Variants in COL4A3 observed in about 807,000 individuals in gnomAD.
The protein encoded by COL4A3 is collagen alpha-3(IV) chain.
A neutral mutation model predicts 217.4 loss-of-function variants in COL4A3; 135 were observed. The observed-to-expected ratio is 0.62, with a 90% confidence interval of 0.54 to 0.72. The LOEUF (loss-of-function observed/expected upper bound fraction) is 0.72, where lower values mean the gene tolerates loss of function less well. COL4A3 is among the 30% of genes least tolerant of loss of function. COL4A3 has a pLI of 0.00. For synonymous variants in COL4A3, 690 were observed against 736.3 expected (o/e 0.94, Z 1.02); for missense variants, 1,868 against 2,119.9 (o/e 0.88, Z 2.33).
At chr2:227,193,713 AAAAG>A (rs147168067) in intron 1 of COL4A3, among the ~76,000 whole-genome samples, 18,623 of 120,976 alleles carry the variant, frequency 0.15, 2,534 homozygotes, top group Non-Finnish European at 0.22. Flanking sequence ...AAAAGAAGAA[AAAAG>A]AAAGAAAGAA....
At position 227,246,717 on chromosome 2, in the gene COL4A3, A is replaced by C. The variant is rs573893388; in HGVS notation, c.420A>C (p.Thr140=). Residue 140 remains threonine (T), a synonymous_variant, in exon 7 of 52, where the codon ACA becomes ACC. Transcript: ENST00000396578. ...AGGGGTTTCCAGGACTCCCAGGGAC[A>C]CTGGGCTACCCAGGGATCCCGGTAG... ...GEQGFPGLPG[T]LGYPGIPGAA... 18 of 1,612,736 alleles carry C rather than the reference A, an allele frequency of 1.1e-5. No individual in the cohort carries two copies. In the South Asian group the frequency reaches 2.0e-4, roughly 18 times the overall value.
chr2:227,238,146 T>A, intron 2 of COL4A3, 122 bp downstream of exon 2: 2 of 696,636 alleles, frequency 2.9e-6, no homozygotes, highest in African/African-American at 1.8e-5. Flanking sequence ...CCAAATCCAA[T>A]GTTAAAGTAA....
intron 18 of COL4A3, among the ~76,000 whole-genome samples, chr2:227,257,972 TCTC>T (rs1265817545): frequency 2.0e-5 from 3 of 152,036 alleles, no homozygotes; most frequent in African/African-American, 7.2e-5. Flanking sequence ...GAAGTCAACT[TCTC>T]CTCCCTCCAC....
In COL4A3 at chr2:227,164,986, G is replaced by C. The variant is rs1363638785; in HGVS notation, c.87+173G>C. On this transcript the variant is annotated intron_variant, in intron 1 of 51. Transcript: ENST00000396578. This position sits in a 1 kb window ranked among gnomAD's most constrained non-coding sequence, Gnocchi z 4.8. ...ACAGGCAGCGAGCGGAAGGGAGCAA[G>C]CGGGGATGCCCCGGAACAGGTGGAA... Among the ~76,000 whole-genome samples, 2 of 152,226 alleles carry C rather than the reference G, an allele frequency of 1.3e-5. No individual in the cohort carries two copies. The highest frequency in any genetic ancestry group is 4.8e-5 in the African/African-American group (2 of 41,472).
intron 1 of COL4A3, among the ~76,000 whole-genome samples, chr2:227,225,469 T>A (rs1269131467): frequency 6.6e-6 from 1 of 152,160 alleles, no homozygotes; most frequent in Non-Finnish European, 1.5e-5. Context: ...TGTCTCTCGA[T>A]AAGATTAGTT....
intron 1 of COL4A3, among the ~76,000 whole-genome samples, chr2:227,183,399 T>C (rs1034842299): frequency 2.0e-5 from 3 of 152,102 alleles, no homozygotes; most frequent in Non-Finnish European, 4.4e-5. Context: ...TGCTCAGGGA[T>C]ATGTAAAAGT....
Position 227,279,878 on chromosome 2 carries a change from C to A in COL4A3, c.2211C>A (p.Leu737=), listed in dbSNP as rs770992473. 6.2e-7 allele frequency: 1 copy of A among 1,605,500 alleles called. No individual in the cohort carries two copies. The highest frequency in any genetic ancestry group is 2.2e-5 in the East Asian group (1 of 44,778). ...GEPGLPGKPG[L]PGAKGEPAVA... is the part of the protein sequence containing the mutation. Reference sequence around the variant, plus strand: ...CTGGGTTACCTGGAAAGCCAGGCCTCCCAGGAGCCAAGGTATGCAAAAATT... The same window carrying A: ...CTGGGTTACCTGGAAAGCCAGGCCTACCAGGAGCCAAGGTATGCAAAAATT... Residue 737 remains leucine, a synonymous_variant, in exon 29 of 52, where the codon CTC becomes CTA. Coordinates refer to ENST00000396578, the MANE Select transcript of COL4A3 (RefSeq NM_000091.5).
At chr2:227,188,372 G>T (rs1219412821) in intron 1 of COL4A3, among the ~76,000 whole-genome samples, 2 of 151,776 alleles carry the variant, frequency 1.3e-5, no homozygotes, top group Non-Finnish European at 2.9e-5. Context: ...CACTGAAAAA[G>T]GACCCCAAAT....
chr2:227,239,500 G>C (rs1337598571), intron 2 of COL4A3, among the ~76,000 whole-genome samples: 2 of 152,170 alleles, frequency 1.3e-5, no homozygotes, highest in African/African-American at 4.8e-5. Flanking sequence ...TGGTAGAACT[G>C]TGTCAAGCCT....
intron 21 of COL4A3, 47 bp from the exon 22 acceptor site, chr2:227,266,370 G>GA (rs2070889662): frequency 7.7e-6 from 11 of 1,420,400 alleles, no homozygotes; most frequent in Admixed American, 3.4e-5. Flanking sequence ...CTTGCTAATT[G>GA]AAAAAAACAC....
chr2:227,249,690 C>T (rs1351636891), intron 9 of COL4A3, among the ~76,000 whole-genome samples: 2 of 151,972 alleles, frequency 1.3e-5, no homozygotes, highest in Non-Finnish European at 2.9e-5. Flanking sequence ...TTAGGAGCTG[C>T]AAAAAATGCA....
chr2:227,189,760 G>C (rs866780510), intron 1 of COL4A3, among the ~76,000 whole-genome samples: 2 of 152,106 alleles, frequency 1.3e-5, no homozygotes, highest in South Asian at 4.2e-4. Context: ...AAGTCATGGA[G>C]GTTTCAGGTG....
At chr2:227,227,098 C>T (rs1029437816) in intron 1 of COL4A3, among the ~76,000 whole-genome samples, 3 of 152,196 alleles carry the variant, frequency 2.0e-5, no homozygotes, top group African/African-American at 7.2e-5. Context: ...AGCTCATAGG[C>T]CGGATGGAAA....
intron 27 of COL4A3, 75 bp downstream of exon 27, chr2:227,276,552 T>C: frequency 8.9e-7 from 1 of 1,127,764 alleles, no homozygotes; most frequent in Non-Finnish European, 1.3e-6. Context: ...AAAAATACTG[T>C]CCCCATTATA....
At chr2:227,165,639 G>A (rs1015365132) in intron 1 of COL4A3, among the ~76,000 whole-genome samples, 2 of 152,148 alleles carry the variant, frequency 1.3e-5, no homozygotes, top group Non-Finnish European at 2.9e-5. Context: ...GTTGATTTGG[G>A]TGATAACGTG....
At chr2:227,210,359 C>G (rs780149472) in intron 1 of COL4A3, among the ~76,000 whole-genome samples, 65 of 152,198 alleles carry the variant, frequency 4.3e-4, no homozygotes, top group Admixed American at 4.3e-3. Flanking sequence ...GGGATGCCAA[C>G]GCAGGCAGAT....
Position 227,308,982 on chromosome 2 carries a change from C to T in COL4A3, c.4546C>T (p.Arg1516Ter), listed in dbSNP as rs759873621. 1.2e-5 allele frequency: 19 copies of T among 1,614,158 alleles called. No homozygotes were observed. The highest frequency in any genetic ancestry group is 2.2e-5 in the South Asian group (2 of 91,090). The part of the protein sequence containing the change: ...NVNDVCNFAS[R>*]NDYSYWLSTP... ...CAATGATGTATGTAATTTTGCATCT[C>T]GAAATGATTATTCATACTGGCTGTC... Residue 1516 changes from arginine (R) to a stop codon, truncating the protein, a stop_gained, in exon 49 of 52, where the codon CGA becomes TGA. Coordinates refer to ENST00000396578, the MANE Select transcript of COL4A3 (RefSeq NM_000091.5). LOFTEE classifies it high-confidence loss of function.
chr2:227,211,047 C>A (rs1321263619), intron 1 of COL4A3, among the ~76,000 whole-genome samples: 1 of 152,142 alleles, frequency 6.6e-6, no homozygotes, highest in Admixed American at 6.5e-5. Flanking sequence ...GTCGCCCAGG[C>A]TGGAGTGCAG....
Position 227,276,371 on chromosome 2 carries a change from C to G in COL4A3, c.1928-14C>G. 1 of 1,605,728 alleles carries G rather than the reference C, an allele frequency of 6.2e-7. No homozygotes were observed. The highest frequency in any genetic ancestry group is 8.5e-7 in the Non-Finnish European group (1 of 1,172,410). On this transcript the variant is annotated splice_polypyrimidine_tract_variant and intron_variant, in intron 26 of 51. Coordinates refer to ENST00000396578, the MANE Select transcript of COL4A3 (RefSeq NM_000091.5). Reference sequence around the variant, plus strand: ...AATATATACCCCAATCTTATGACCACAAATTTCCTTAAGGCCCTAGGGGAG... The same window carrying G: ...AATATATACCCCAATCTTATGACCAGAAATTTCCTTAAGGCCCTAGGGGAG...
Sources: allele counts gnomAD v4.1 joint callset (sites outside exome capture counted in the v4.1 genomes callset), GRCh38; gene constraint gnomAD v4.1.1; non-coding constraint Gnocchi (gnomAD v3.1); transcripts MANE v1.5; gene names NCBI Gene and HGNC (gene_info 2026-07-23, HGNC 2026-07-21).